HSPE1: variants seen among roughly 807,000 people sequenced by gnomAD.
The protein encoded by HSPE1 is heat shock protein family E (Hsp10) member 1.
HSPE1 carries 1 observed loss-of-function variant against 13.2 expected under a neutral mutation model. The ratio of observed to expected loss-of-function variants is 0.08; its 90% CI spans 0.03 to 0.36. HSPE1 has a LOEUF of 0.36. Among genes scored for constraint, HSPE1 ranks in the 10% least tolerant of loss-of-function variants. The pLI, the probability that HSPE1 is intolerant of heterozygous loss-of-function variation, is 0.99. For missense variants in HSPE1, 73 were observed against 118.7 expected (o/e 0.62, Z 1.79); for synonymous variants, 44 against 42.0 (o/e 1.05, Z -0.19).
At chr2:197,502,799 T>A (rs936012785) in intron 2 of HSPE1, among the ~76,000 whole-genome samples, 1 of 152,246 alleles carries the variant, frequency 6.6e-6, no homozygotes, top group African/African-American at 2.4e-5. Flanking sequence ...CTTGAACTTT[T>A]ACGTTGGAGT....
rs778657082 is a variant in HSPE1 at position 197,500,431 on chromosome 2, G to A, written c.-6G>A. On this transcript the variant is annotated 5_prime_UTR_variant, in exon 1 of 4. Coordinates refer to ENST00000233893, the MANE Select transcript of HSPE1 (RefSeq NM_002157.3). Reference sequence around the variant, plus strand: ...AGCAGAGTACGAGTCTGAGGCGGAGGGAGTAATGGTGAGTCCCGCGTGGCC... The same window carrying A: ...AGCAGAGTACGAGTCTGAGGCGGAGAGAGTAATGGTGAGTCCCGCGTGGCC... The A allele has an allele frequency of 1.9e-6, 3 of 1,602,878 alleles. No homozygotes were observed. Among genetic ancestry groups the A allele is most frequent in the South Asian group, 1.1e-5 (1 of 89,030 alleles).
At chr2:197,501,288 A>G in intron 2 of HSPE1, 50 bp downstream of exon 2, 1 of 1,528,860 alleles carries the variant, frequency 6.5e-7, no homozygotes, top group Admixed American at 2.2e-5. Context: ...CAGTGGAGGG[A>G]AAAGAAGTAA....
chr2:197,500,603 C>G (rs2086238948), intron 1 of HSPE1, 164 bp downstream of exon 1: 1 of 1,081,210 alleles, frequency 9.2e-7, no homozygotes, highest in Non-Finnish European at 1.4e-6. Flanking sequence ...CGACCCTTTT[C>G]TCCCCCAGGG....
intron 2 of HSPE1, 159 bp downstream of exon 2, chr2:197,501,397 A>T: frequency 2.4e-6 from 2 of 821,844 alleles, no homozygotes; most frequent in Non-Finnish European, 3.7e-6. Context: ...GGAAATGACT[A>T]ATATAAAGTT....
In HSPE1 at chr2:197,501,124, T is replaced by G. The variant is rs372780408; in HGVS notation, c.54T>G (p.Val18=). The change falls in exon 2 of 4, where the codon GTT becomes GTG. Residue 18 remains valine (V), a synonymous_variant. Transcript: ENST00000233893. ...KFLPLFDRVL[V]ERSAAETVTK... ...TTCCACTCTTTGACCGAGTATTGGTTGAAAGGAGTGCTGCTGAAACTGTAA... is the reference window on the plus strand; with the variant it reads ...TTCCACTCTTTGACCGAGTATTGGTGGAAAGGAGTGCTGCTGAAACTGTAA... 6.2e-6 allele frequency: 10 copies of G among 1,613,930 alleles called. No individual in the cohort carries two copies. Among genetic ancestry groups the G allele is most frequent in the Non-Finnish European group, 8.5e-6 (10 of 1,179,962 alleles).
chr2:197,503,079 A>C lies in HSPE1; in HGVS notation c.209A>C (p.Lys70Thr), dbSNP rs1198955921. 3 of 1,609,114 alleles carry C rather than the reference A, an allele frequency of 1.9e-6. No individual in the cohort carries two copies. Among genetic ancestry groups the C allele is most frequent in the Non-Finnish European group, 2.5e-6 (3 of 1,177,682 alleles). The change falls in exon 3 of 4, where the codon AAA becomes ACA. Residue 70 changes from lysine (K) to threonine (T), a missense_variant. Coordinates refer to ENST00000233893, the MANE Select transcript of HSPE1 (RefSeq NM_002157.3). The stretch of plus-strand genomic sequence containing the variant: ...CCAGTTAGCGTGAAAGTTGGAGATA[A>C]AGTTCTTCTCCCAGAATATGGAGGC... ...IQPVSVKVGD[K>T]VLLPEYGGTK...
chr2:197,500,607 C>T, intron 1 of HSPE1, 168 bp downstream of exon 1: 1 of 1,037,598 alleles, frequency 9.6e-7, no homozygotes, highest in Non-Finnish European at 1.4e-6. Flanking sequence ...CCTTTTCTCC[C>T]CCAGGGCTCT....
intron 2 of HSPE1, among the ~76,000 whole-genome samples, chr2:197,501,866 G>C (rs2086260960): frequency 1.3e-5 from 2 of 152,040 alleles, no homozygotes; most frequent in Admixed American, 1.3e-4. Context: ...AAAAGAGGCT[G>C]TGCGTGGTGG....
chr2:197,501,999 A>G (rs2086262500), intron 2 of HSPE1, among the ~76,000 whole-genome samples: 1 of 152,188 alleles, frequency 6.6e-6, no homozygotes, highest in South Asian at 2.1e-4. Context: ...TCTACAAAAT[A>G]AATAAATACA....
Position 197,503,192 on chromosome 2 carries a change from G to T in HSPE1, c.259-17G>T, listed in dbSNP as rs117942610. On this transcript the variant is annotated splice_polypyrimidine_tract_variant and intron_variant, in intron 3 of 3. Transcript: ENST00000233893. ...TTGCAATTAGTTGTCTTAACTAATGGTTTTTTTCACTTGCAGGATTATTTC... is the reference window on the plus strand; with the variant it reads ...TTGCAATTAGTTGTCTTAACTAATGTTTTTTTTCACTTGCAGGATTATTTC... The T allele has an allele frequency of 1.1e-5, 18 of 1,603,350 alleles. No individual in the cohort carries two copies. The East Asian group carries it at 2.0e-4, about 18-fold the overall frequency.
chr2:197,501,278 C>T (rs1310126495), intron 2 of HSPE1, 40 bp downstream of exon 2: 3 of 1,551,672 alleles, frequency 1.9e-6, no homozygotes, highest in Admixed American at 2.0e-5. Flanking sequence ...TTATAGTGTG[C>T]AGTGGAGGGA....
At position 197,501,107 on chromosome 2, in the gene HSPE1, T is replaced by C. The variant is rs1016179427; in HGVS notation, c.37T>C (p.Phe13Leu). The change falls in exon 2 of 4, where the codon TTT becomes CTT. Residue 13 changes from phenylalanine (F) to leucine (L), a missense_variant. Physicochemically the swap from Phe to Leu is conservative, Grantham distance 22 (BLOSUM62 0). Transcript: ENST00000233893. ...GQAFRKFLPLFDRVLVERSAA... is the reference protein window; with the variant it reads ...GQAFRKFLPLLDRVLVERSAA... Reference sequence around the variant, plus strand: ...AGCGTTTAGAAAGTTTCTTCCACTCTTTGACCGAGTATTGGTTGAAAGGAG... The same window carrying C: ...AGCGTTTAGAAAGTTTCTTCCACTCCTTGACCGAGTATTGGTTGAAAGGAG... 1 of 1,614,006 alleles carries C rather than the reference T, an allele frequency of 6.2e-7. No homozygotes were observed.
At chr2:197,500,589 C>T (rs1215293856) in intron 1 of HSPE1, 150 bp downstream of exon 1, 32 of 1,210,104 alleles carry the variant, frequency 2.6e-5, no homozygotes, top group Non-Finnish European at 3.4e-5. Flanking sequence ...CGGCAAGGCC[C>T]GCCCGACCCT....
chr2:197,501,424 C>T (rs1326461509), intron 2 of HSPE1, 186 bp downstream of exon 2: 3 of 652,688 alleles, frequency 4.6e-6, no homozygotes, highest in Non-Finnish European at 5.0e-6. Flanking sequence ...TTTATATGAC[C>T]AATGCTATGA....
At chr2:197,501,383 AAAG>A in intron 2 of HSPE1, 145 bp downstream of exon 2, 1 of 943,058 alleles carries the variant, frequency 1.1e-6, no homozygotes, top group Non-Finnish European at 1.5e-6. Flanking sequence ...TCTGTTTCTT[AAAG>A]GGAAATGACT....
At chr2:197,500,810 A>G (rs1320302983) in intron 1 of HSPE1, 3 of 582,452 alleles carry the variant, frequency 5.2e-6, no homozygotes, top group Non-Finnish European at 9.1e-6. Context: ...AAAACATTTG[A>G]CCTTGGAATA....
intron 1 of HSPE1, chr2:197,500,823 C>CT: frequency 1.7e-6 from 1 of 592,042 alleles, no homozygotes; most frequent in Non-Finnish European, 3.0e-6. Context: ...TTGGAATAAA[C>CT]TAAGGTTGAC....
chr2:197,501,423 C>T, intron 2 of HSPE1, 185 bp downstream of exon 2: 1 of 660,170 alleles, frequency 1.5e-6, no homozygotes, highest in Non-Finnish European at 2.5e-6. Flanking sequence ...TTTTATATGA[C>T]CAATGCTATG....
At chr2:197,502,922 T>C in intron 2 of HSPE1, 117 bp from the exon 3 acceptor site, 1 of 659,276 alleles carries the variant, frequency 1.5e-6, no homozygotes, top group Non-Finnish European at 2.7e-6. Flanking sequence ...CGAAATATAT[T>C]TTTAATATAA....
Sources: allele counts gnomAD v4.1 joint callset (sites outside exome capture counted in the v4.1 genomes callset), GRCh38; gene constraint gnomAD v4.1.1; transcripts MANE v1.5; gene names NCBI Gene and HGNC (gene_info 2026-07-23, HGNC 2026-07-21).